The following ALDH6A1 variants were observed in gnomAD, a reference collection of about 807,000 sequenced individuals.
The protein encoded by ALDH6A1 is methylmalonate-semialdehyde/malonate-semialdehyde dehydrogenase [acylating], mitochondrial.
ALDH6A1 carries 43 observed loss-of-function variants against 62.6 expected under a neutral mutation model. That is an observed-to-expected ratio of 0.69 (90% CI 0.54 to 0.89). ALDH6A1 has a LOEUF of 0.89. Among genes scored for constraint, ALDH6A1 ranks in the 40% least tolerant of loss-of-function variants. The pLI is 0.00. For synonymous variants in ALDH6A1, 194 were observed against 234.2 expected, an observed-to-expected ratio of 0.83 and a Z score of 1.57; for missense variants, 551 against 661.3, an observed-to-expected ratio of 0.83 and a Z score of 1.83.
intron 2 of ALDH6A1, among the ~76,000 whole-genome samples, chr14:74,073,954 T>A (rs1206721786): frequency 6.6e-6 from 1 of 150,668 alleles, no homozygotes; most frequent in African/African-American, 2.4e-5. Context: ...AATGTTTCTA[T>A]GTATTTTTTT....
At position 74,082,470 on chromosome 14, in the gene ALDH6A1, G is replaced by A. The variant is rs2060679971; in HGVS notation, c.48+1877C>T. Among the ~76,000 whole-genome samples the A allele has an allele frequency of 2.3e-5, 3 of 131,804 alleles. No individual in the cohort carries two copies. In the South Asian group the frequency reaches 7.4e-4, roughly 33 times the overall value. 86.5% of individuals were successfully genotyped at this position (131,804 alleles called of 152,430 possible). On this transcript the variant is annotated intron_variant, in intron 1 of 11. Transcript: ENST00000553458. The stretch of plus-strand genomic sequence containing the variant: ...GCTGGAGTGCAATGGCACGATCTCA[G>A]CTCACTGCAACCTCCGTCTTCCGGG...
chr14:74,078,538 A>AT (rs1434602496), intron 1 of ALDH6A1, among the ~76,000 whole-genome samples: 2 of 151,192 alleles, frequency 1.3e-5, no homozygotes, highest in African/African-American at 2.4e-5. Flanking sequence ...TTATTATTTT[A>AT]TTTTTTTGAG....
chr14:74,075,009 G>A lies in ALDH6A1; in HGVS notation c.57C>T (p.Ser19=), dbSNP rs1445376499. 1.2e-6 allele frequency: 2 copies of A among 1,613,956 alleles called. No homozygotes were observed. Among genetic ancestry groups the A allele is most frequent in the Middle Eastern group, 1.7e-4 (1 of 6,056 alleles). The change falls in exon 2 of 12, where the codon TCC becomes TCT. Residue 19 remains serine, a synonymous_variant. Coordinates refer to ENST00000553458, the MANE Select transcript of ALDH6A1 (RefSeq NM_005589.4). ...ACCAGGTGGGACTGGATTTCACCTT[G>A]GAAGAAACCTGTGAGGCAAAAGAAC... ...AVRARILQVS[S]KVKSSPTWYS... is the part of the protein sequence containing the mutation.
At chr14:74,078,046 TG>T (rs1204410660) in intron 1 of ALDH6A1, 1 of 371,526 alleles carries the variant, frequency 2.7e-6, no homozygotes, top group Non-Finnish European at 5.3e-6. Flanking sequence ...AAGACCAGCT[TG>T]GGGAACATAA....
In ALDH6A1 at chr14:74,066,851, T is replaced by C. The variant is rs1162155324; in HGVS notation, c.1078A>G (p.Thr360Ala). Residue 360 changes from threonine to alanine, a missense_variant, in exon 9 of 12, where the codon ACT becomes GCT. Coordinates refer to ENST00000553458, the MANE Select transcript of ALDH6A1 (RefSeq NM_005589.4). ...CAGACTCGCTCTTTGGCCTGGGGAG[T>C]GATCAGAGGGCCAAGATCAGCTCCA... ...QPGADLGPLI[T>A]PQAKERVCNL... The C allele has an allele frequency of 1.9e-6, 3 of 1,613,646 alleles. No homozygotes were observed. The highest frequency in any genetic ancestry group is 1.7e-5 in the Admixed American group (1 of 59,922).
intron 7 of ALDH6A1, among the ~76,000 whole-genome samples, chr14:74,068,019 T>C (rs2060496957): frequency 7.3e-6 from 1 of 137,648 alleles, no homozygotes; most frequent in Non-Finnish European, 1.6e-5. Flanking sequence ...AAAAAAGAAC[T>C]TACAGCCTTA....
intron 11 of ALDH6A1, among the ~76,000 whole-genome samples, chr14:74,062,573 C>G (rs1183512358): frequency 6.6e-6 from 1 of 152,046 alleles, no homozygotes; most frequent in Non-Finnish European, 1.5e-5. Flanking sequence ...TATACTCCAG[C>G]CTGGGTGACA....
At chr14:74,068,395 A>G (rs1384832889) in intron 7 of ALDH6A1, among the ~76,000 whole-genome samples, 1 of 150,508 alleles carries the variant, frequency 6.6e-6, no homozygotes, top group Admixed American at 6.6e-5. Context: ...AAAGAAAAAA[A>G]GTGATTAACG....
At chr14:74,065,381 A>C (rs1350359519) in intron 9 of ALDH6A1, 21 bp from the exon 10 acceptor site, 1 of 1,612,620 alleles carries the variant, frequency 6.2e-7, no homozygotes, top group Non-Finnish European at 8.5e-7. Flanking sequence ...TGATGCATCC[A>C]GAAAAGAAGT....
At chr14:74,071,616 C>T (rs1175290635) in intron 5 of ALDH6A1, 119 bp from the exon 6 acceptor site, 9 of 1,577,976 alleles carry the variant, frequency 5.7e-6, no homozygotes, top group African/African-American at 1.3e-5. Context: ...GCAGGGTACA[C>T]TGACTTGCCC....
chr14:74,072,560 T>G lies in ALDH6A1; in HGVS notation c.163A>C (p.Lys55Gln). The G allele has an allele frequency of 6.2e-7, 1 of 1,614,162 alleles. No individual in the cohort carries two copies. The highest frequency in any genetic ancestry group is 8.5e-7 in the Non-Finnish European group (1 of 1,180,028). Residue 55 changes from lysine (K) to glutamine (Q), a missense_variant, in exon 3 of 12, where the codon AAA becomes CAA. Physicochemically the swap from Lys to Gln is moderately conservative, Grantham distance 53. Transcript: ENST00000553458. The part of the protein sequence containing the change: ...GGKFVESKSD[K>Q]WIDIHNPATN... Reference sequence around the variant, plus strand: ...ACTGGGTTGTGGATATCGATCCATTTGTCACTTTTGGATTCAACGAATTTC... The same window carrying G: ...ACTGGGTTGTGGATATCGATCCATTGGTCACTTTTGGATTCAACGAATTTC...
At chr14:74,061,291 G>A (rs555617475) in intron 11 of ALDH6A1, among the ~76,000 whole-genome samples, 19 of 145,778 alleles carry the variant, frequency 1.3e-4, no homozygotes, top group African/African-American at 4.2e-4. Context: ...TTATATAGTA[G>A]GCCATTTATT....
rs556748108 is a variant in ALDH6A1, at chr14:74,077,557, G to A, written c.49-2540C>T. ...TGTGTGAAGAGGCAAAACTGGGGGG[G>A]TATCCTGGCTTTATAGCCCACTCAC... On this transcript the variant is annotated intron_variant, in intron 1 of 11. Transcript: ENST00000553458. 1.2e-4 allele frequency among the ~76,000 whole-genome samples: 19 copies of A among 152,224 alleles called. 1 individual carries two copies. In the South Asian group the frequency reaches 3.5e-3, roughly 28 times the overall value.
chr14:74,083,786 T>C (rs1232237016), intron 1 of ALDH6A1, among the ~76,000 whole-genome samples: 3 of 152,150 alleles, frequency 2.0e-5, no homozygotes, highest in Non-Finnish European at 4.4e-5. Flanking sequence ...GCTTAGCAAA[T>C]GGCTGCCTTT....
At chr14:74,070,350 C>A (rs897859548) in intron 6 of ALDH6A1, among the ~76,000 whole-genome samples, 3 of 151,984 alleles carry the variant, frequency 2.0e-5, no homozygotes, top group African/African-American at 7.3e-5. Flanking sequence ...GAAACCCCAT[C>A]TGTACTAAAA....
In ALDH6A1 at chr14:74,065,290, T is replaced by C. The variant is rs2060443406; in HGVS notation, c.1295A>G (p.Asp432Gly). Residue 432 changes from aspartate (D) to glycine (G), a missense_variant, in exon 10 of 12, where the codon GAT becomes GGT. Coordinates refer to ENST00000553458, the MANE Select transcript of ALDH6A1 (RefSeq NM_005589.4). ...GTTATTTACAATCTGGATGGCTTCA[T>C]CCAATGTTTCTGTCTCCAGAACCAC... ...VLVVLETETL[D>G]EAIQIVNNNP... is the part of the protein sequence containing the mutation. 1 of 1,614,036 alleles carries C rather than the reference T, an allele frequency of 6.2e-7. No individual in the cohort carries two copies. The highest frequency in any genetic ancestry group is 1.3e-5 in the African/African-American group (1 of 74,932).
At chr14:74,071,035 C>G in intron 6 of ALDH6A1, 160 bp downstream of exon 6, 1 of 751,404 alleles carries the variant, frequency 1.3e-6, no homozygotes, top group Non-Finnish European at 2.3e-6. Context: ...GTTACCTTGG[C>G]GCACAAAGAT....
chr14:74,073,917 CAAAA>C (rs5809643), intron 2 of ALDH6A1, among the ~76,000 whole-genome samples: 2 of 77,012 alleles, frequency 2.6e-5, no homozygotes, highest in Non-Finnish European at 2.6e-5. Flanking sequence ...GACTCCATCT[CAAAA>C]AAAAAAAAAA....
At chr14:74,064,533 A>T (rs2060426946) in intron 11 of ALDH6A1, among the ~76,000 whole-genome samples, 1 of 152,100 alleles carries the variant, frequency 6.6e-6, no homozygotes, top group African/African-American at 2.4e-5. Context: ...AGTCAGATGA[A>T]AGGGGAGAGA....
Sources: allele counts gnomAD v4.1 joint callset (sites outside exome capture counted in the v4.1 genomes callset), GRCh38; gene constraint gnomAD v4.1.1; transcripts MANE v1.5; gene names NCBI Gene and HGNC (gene_info 2026-07-23, HGNC 2026-07-21).